RTN1: variants seen among roughly 807,000 people sequenced by gnomAD.
RTN1 encodes the protein reticulon-1.
Under a neutral mutation model 65.5 loss-of-function variants are expected in RTN1, and 25 were observed. The ratio of observed to expected loss-of-function variants is 0.38; its 90% CI spans 0.28 to 0.53. RTN1 has a LOEUF of 0.53. Among genes scored for constraint, RTN1 ranks in the 20% least tolerant of loss-of-function variants. The probability of loss-of-function intolerance (pLI) is 0.79; values close to 1 mark genes in which losing one functional copy is unlikely to be tolerated. For synonymous variants in RTN1, 471 were observed against 447.6 expected (o/e 1.05, Z -0.66); for missense variants, 983 against 1,025.4 (o/e 0.96, Z 0.57).
At chr14:59,657,337 A>C (rs1310887476) in intron 3 of RTN1, among the ~76,000 whole-genome samples, 3 of 152,208 alleles carry the variant, frequency 2.0e-5, no homozygotes, top group Non-Finnish European at 1.5e-5. Context: ...TGAACCCAGG[A>C]AGCTGAGGTT....
At position 59,746,381 on chromosome 14, in the gene RTN1, A is replaced by G. The variant is rs758487037; in HGVS notation, c.342T>C (p.Tyr114=). 1 of 1,614,090 alleles carries G rather than the reference A, an allele frequency of 6.2e-7. No homozygotes were observed. The highest frequency in any genetic ancestry group is 1.1e-5 in the South Asian group (1 of 91,076). The change falls in exon 2 of 9, where the codon TAT becomes TAC. Residue 114 remains tyrosine, a synonymous_variant. Coordinates refer to ENST00000267484, the MANE Select transcript of RTN1 (RefSeq NM_021136.3). Reference sequence around the variant, plus strand: ...AATATGTAGAATCCTCCTGAGGTGGATAGCAGATGTCAGAAATGAGAGATG... The same window carrying G: ...AATATGTAGAATCCTCCTGAGGTGGGTAGCAGATGTCAGAAATGAGAGATG... ...CYTSLISDIC[Y]PPQEDSTYFT...
rs1029980609 is a variant in RTN1 at position 59,868,245 on chromosome 14, C to T, written c.241+2145G>A. On this transcript the variant is annotated intron_variant, in intron 1 of 8. Transcript: ENST00000267484. The surrounding 1 kb of genome is among the most constrained non-coding windows in gnomAD (Gnocchi z 4.0). The stretch of plus-strand genomic sequence containing the variant: ...AAACACAGAGATTTAAGACATTAAC[C>T]AATCAACAACTATATCAGAAATTCC... Among the ~76,000 whole-genome samples the T allele has an allele frequency of 6.6e-6, 1 of 152,126 alleles. No individual in the cohort carries two copies. Among genetic ancestry groups the T allele is most frequent in the African/African-American group, 2.4e-5 (1 of 41,434 alleles).
chr14:59,863,339 G>T (rs1293586424), intron 1 of RTN1, among the ~76,000 whole-genome samples: 1 of 151,584 alleles, frequency 6.6e-6, no homozygotes, highest in Non-Finnish European at 1.5e-5. Flanking sequence ...CCTCTCATTT[G>T]CTCTAAAACC....
chr14:59,768,002 G>C (rs1885883307), intron 1 of RTN1, among the ~76,000 whole-genome samples: 8 of 152,174 alleles, frequency 5.3e-5, no homozygotes, highest in Admixed American at 5.2e-4. Flanking sequence ...GTGACTACTT[G>C]ATATATTAGA....
At chr14:59,716,986 C>CAA (rs67370818) in intron 3 of RTN1, among the ~76,000 whole-genome samples, 3 of 119,570 alleles carry the variant, frequency 2.5e-5, no homozygotes, top group Admixed American at 7.9e-5. Flanking sequence ...AACAAACAAA[C>CAA]AAAAAAAAAA....
intron 3 of RTN1, among the ~76,000 whole-genome samples, chr14:59,705,994 T>C (rs1184990729): frequency 5.3e-5 from 8 of 152,176 alleles, no homozygotes; most frequent in African/African-American, 1.9e-4. Flanking sequence ...TGAAATTCTC[T>C]TACCTGACTA....
intron 2 of RTN1, among the ~76,000 whole-genome samples, chr14:59,737,241 G>T (rs1391878006): frequency 6.6e-6 from 1 of 152,184 alleles, no homozygotes; most frequent in South Asian, 2.1e-4. Flanking sequence ...GTTTGCAGAT[G>T]ACATGATCCT....
chr14:59,863,283 C>T (rs1382200743), intron 1 of RTN1, among the ~76,000 whole-genome samples: 1 of 152,084 alleles, frequency 6.6e-6, no homozygotes, highest in Non-Finnish European at 1.5e-5. Context: ...TATAACAAAA[C>T]TCCCCCAAAG....
intron 3 of RTN1, chr14:59,630,517 T>C: frequency 6.2e-7 from 1 of 1,613,488 alleles, no homozygotes; most frequent in Non-Finnish European, 8.5e-7. Context: ...CGTGCGGGCT[T>C]TGGGGGCTCG....
chr14:59,614,961 A>G (rs1299745451), intron 3 of RTN1, among the ~76,000 whole-genome samples: 1 of 152,174 alleles, frequency 6.6e-6, no homozygotes, highest in Non-Finnish European at 1.5e-5. Context: ...AAGGCATGGG[A>G]ATATAGCTTT....
intron 3 of RTN1, among the ~76,000 whole-genome samples, chr14:59,644,897 G>T (rs377226040): frequency 2.0e-5 from 3 of 152,100 alleles, no homozygotes; most frequent in Admixed American, 1.3e-4. Context: ...GTCACCAGCC[G>T]CCCTTGCCAG....
chr14:59,710,383 T>G (rs1468635452), intron 3 of RTN1, among the ~76,000 whole-genome samples: 1 of 151,738 alleles, frequency 6.6e-6, no homozygotes, highest in Non-Finnish European at 1.5e-5. Context: ...AGGAGAGGAG[T>G]CTGCAGCATT....
chr14:59,746,596 C>T, intron 1 of RTN1, 115 bp from the exon 2 acceptor site: 1 of 869,280 alleles, frequency 1.2e-6, no homozygotes, highest in Non-Finnish European at 1.7e-6. Flanking sequence ...TCTCCTTAAG[C>T]CCTCGGAGTT....
intron 3 of RTN1, among the ~76,000 whole-genome samples, chr14:59,695,500 C>T (rs1008311678): frequency 1.1e-4 from 17 of 152,262 alleles, no homozygotes; most frequent in African/African-American, 4.1e-4. Context: ...ACAGGGGCTG[C>T]TCCTTTAGCC....
At chr14:59,700,725 C>CAA in intron 3 of RTN1, among the ~76,000 whole-genome samples, 1 of 152,170 alleles carries the variant, frequency 6.6e-6, no homozygotes, top group South Asian at 2.1e-4. Flanking sequence ...CAAAATGAAT[C>CAA]AAAGACCTAA....
At chr14:59,619,332 G>A (rs1882193137) in intron 3 of RTN1, among the ~76,000 whole-genome samples, 1 of 152,144 alleles carries the variant, frequency 6.6e-6, no homozygotes, top group Non-Finnish European at 1.5e-5. Flanking sequence ...ATCTAAGCAG[G>A]GCATTCTGAC....
At chr14:59,743,444 T>G (rs1885153453) in intron 2 of RTN1, among the ~76,000 whole-genome samples, 1 of 152,134 alleles carries the variant, frequency 6.6e-6, no homozygotes. Flanking sequence ...CTATATTAAC[T>G]TACATCTTCA....
chr14:59,746,044 T>A lies in RTN1; in HGVS notation c.679A>T (p.Thr227Ser). The change falls in exon 2 of 9, where the codon ACT becomes TCT. Residue 227 changes from threonine (T) to serine (S), a missense_variant. Physicochemically the swap from Thr to Ser is moderately conservative, Grantham distance 58. This residue lies in a region of RTN1 where 818 missense variants were observed against 801.8 expected (regional missense o/e 1.02). Coordinates refer to ENST00000267484, the MANE Select transcript of RTN1 (RefSeq NM_021136.3). ...DKDLDFKNKD[T>S]DISIKPEGVR... is the part of the protein sequence containing the mutation. ...CCTTCAGGTTTAATTGAGATGTCAG[T>A]GTCTTTATTCTTAAAGTCCAAGTCT... The A allele has an allele frequency of 1.2e-6, 2 of 1,614,200 alleles. No homozygotes were observed. Among genetic ancestry groups the A allele is most frequent in the Middle Eastern group, 1.6e-4 (1 of 6,062 alleles).
At position 59,679,015 on chromosome 14, in the gene RTN1, A is replaced by G. The variant is rs544935194; in HGVS notation, c.1765+47904T>C. The stretch of plus-strand genomic sequence containing the variant: ...GAGTTCAACTGTGATTTCAAAAAGC[A>G]AGGGATAGCATCTGAATCCTCTTGG... On this transcript the variant is annotated intron_variant, in intron 3 of 8. Transcript: ENST00000267484. 2.6e-5 allele frequency among the ~76,000 whole-genome samples: 4 copies of G among 152,314 alleles called. No individual in the cohort carries two copies. The South Asian group carries it at 6.2e-4, about 24-fold the overall frequency.
Sources: allele counts gnomAD v4.1 joint callset (sites outside exome capture counted in the v4.1 genomes callset), GRCh38; gene constraint gnomAD v4.1.1; regional missense constraint gnomAD v4.1.1; non-coding constraint Gnocchi (gnomAD v3.1); transcripts MANE v1.5; gene names NCBI Gene and HGNC (gene_info 2026-07-23, HGNC 2026-07-21).